Variants in LDLRAD4 observed in about 807,000 individuals in gnomAD.
The protein encoded by LDLRAD4 is low-density lipoprotein receptor class A domain-containing protein 4.
Under a neutral mutation model 17.0 loss-of-function variants are expected in LDLRAD4, and 5 were observed. The ratio of observed to expected loss-of-function variants is 0.29; its 90% CI spans 0.15 to 0.62. The LOEUF (loss-of-function observed/expected upper bound fraction) is 0.62. Among genes scored for constraint, LDLRAD4 ranks in the 20% least tolerant of loss-of-function variants. LDLRAD4 has a pLI of 0.84. For synonymous variants in LDLRAD4, 168 were observed against 171.8 expected (o/e 0.98, Z 0.17); for missense variants, 340 against 424.7 (o/e 0.80, Z 1.75).
chr18:13,588,200 C>T (rs2094959916), intron 3 of LDLRAD4, among the ~76,000 whole-genome samples: 1 of 152,234 alleles, frequency 6.6e-6, no homozygotes, highest in Non-Finnish European at 1.5e-5. Flanking sequence ...AAGCTGGTGA[C>T]ATGTATGCTC....
At chr18:13,328,046 C>G (rs551237500) in intron 1 of LDLRAD4, among the ~76,000 whole-genome samples, 1 of 152,168 alleles carries the variant, frequency 6.6e-6, no homozygotes, top group Non-Finnish European at 1.5e-5. Flanking sequence ...AGGCTCTCCT[C>G]CCTGCGGGCT....
intron 1 of LDLRAD4, among the ~76,000 whole-genome samples, chr18:13,357,564 A>G (rs1376374136): frequency 6.6e-6 from 1 of 152,226 alleles, no homozygotes; most frequent in African/African-American, 2.4e-5. Flanking sequence ...TAGCTGTATT[A>G]GGAAGCTTGA....
chr18:13,288,609 C>T (rs34882133), intron 1 of LDLRAD4, among the ~76,000 whole-genome samples: 8,293 of 89,948 alleles, frequency 0.092, 520 homozygotes, highest in South Asian at 0.14. Flanking sequence ...CATGGGGCCA[C>T]AGTAGCAGCC....
At chr18:13,336,924 C>CT (rs1247215296) in intron 1 of LDLRAD4, among the ~76,000 whole-genome samples, 3 of 152,100 alleles carry the variant, frequency 2.0e-5, no homozygotes, top group African/African-American at 7.2e-5. Context: ...AGTTTTATGG[C>CT]TTTCTTTCAC....
At chr18:13,317,278 G>A (rs931766165) in intron 1 of LDLRAD4, among the ~76,000 whole-genome samples, 1 of 152,204 alleles carries the variant, frequency 6.6e-6, no homozygotes, top group African/African-American at 2.4e-5. Flanking sequence ...CGTATCCTAA[G>A]CTCTCAGGGA....
chr18:13,396,494 T>G (rs1468483780), intron 2 of LDLRAD4, among the ~76,000 whole-genome samples: 2 of 152,250 alleles, frequency 1.3e-5, no homozygotes, highest in Non-Finnish European at 2.9e-5. Context: ...GTATTGTTTT[T>G]TATTTTTTAG....
intron 2 of LDLRAD4, among the ~76,000 whole-genome samples, chr18:13,400,059 G>A (rs2087035535): frequency 6.6e-6 from 1 of 152,156 alleles, no homozygotes; most frequent in Non-Finnish European, 1.5e-5. Flanking sequence ...ACATTTCTGG[G>A]CCTGGAGAGC....
intron 1 of LDLRAD4, among the ~76,000 whole-genome samples, chr18:13,320,666 A>G (rs2143254537): frequency 6.6e-6 from 1 of 152,360 alleles, no homozygotes; most frequent in South Asian, 2.1e-4. Flanking sequence ...AGGTCACTGC[A>G]GTCCCCAACA....
chr18:13,555,048 C>T (rs946853296), intron 3 of LDLRAD4, among the ~76,000 whole-genome samples: 4 of 152,150 alleles, frequency 2.6e-5, no homozygotes, highest in Non-Finnish European at 5.9e-5. Context: ...GCAGACAAAT[C>T]CCAGTCAAGG....
intron 1 of LDLRAD4, among the ~76,000 whole-genome samples, chr18:13,325,610 C>T (rs1002516355): frequency 9.9e-5 from 15 of 152,216 alleles, no homozygotes; most frequent in Admixed American, 2.0e-4. Context: ...TCTCCCTCTC[C>T]GCGTGGGCAA....
intron 3 of LDLRAD4, chr18:13,460,122 GTATAT>G (rs1272196895): frequency 6.5e-6 from 1 of 153,722 alleles, no homozygotes; most frequent in African/African-American, 2.4e-5. Context: ...CAAGGATACA[GTATAT>G]TATAAGAATA....
chr18:13,244,507 T>C (rs1474657495), intron 1 of LDLRAD4, among the ~76,000 whole-genome samples: 1 of 152,226 alleles, frequency 6.6e-6, no homozygotes, highest in Non-Finnish European at 1.5e-5. Flanking sequence ...AATGTTAGGG[T>C]AAAGGCCCCA....
chr18:13,263,830 T>C (rs1190640723), intron 1 of LDLRAD4, among the ~76,000 whole-genome samples: 2 of 152,168 alleles, frequency 1.3e-5, no homozygotes, highest in Non-Finnish European at 2.9e-5. Context: ...TGCATTGCTG[T>C]CCCTCTAAAG....
intron 3 of LDLRAD4, among the ~76,000 whole-genome samples, chr18:13,591,722 G>C (rs1275277384): frequency 6.6e-6 from 1 of 152,154 alleles, no homozygotes; most frequent in African/African-American, 2.4e-5. Context: ...TCACTGCTCT[G>C]AACAATATAT....
At chr18:13,321,720 G>A (rs1487301191) in intron 1 of LDLRAD4, among the ~76,000 whole-genome samples, 1 of 151,874 alleles carries the variant, frequency 6.6e-6, no homozygotes, top group East Asian at 1.9e-4. Flanking sequence ...ATTAGCCGTT[G>A]TGTGGTGATG....
intron 1 of LDLRAD4, among the ~76,000 whole-genome samples, chr18:13,296,664 A>G (rs1009470452): frequency 1.3e-5 from 2 of 151,446 alleles, no homozygotes; most frequent in East Asian, 1.9e-4. Flanking sequence ...GGCGTGAGCC[A>G]CAGAACCTGG....
rs577605625 is a variant in LDLRAD4, at chr18:13,622,986, C to T, written c.336+1715C>T. ...CCTCCCAGACTTGCCCTGGTGTTGGCTTCTCTCTCCCTAGTGTGGGTCAGG... is the reference window on the plus strand; with the variant it reads ...CCTCCCAGACTTGCCCTGGTGTTGGTTTCTCTCTCCCTAGTGTGGGTCAGG... On this transcript the variant is annotated intron_variant, in intron 4 of 5. Transcript: ENST00000359446. The surrounding 1 kb of genome is among the most constrained non-coding windows in gnomAD (Gnocchi z 5.3). Among the ~76,000 whole-genome samples the T allele has an allele frequency of 3.9e-5, 6 of 152,310 alleles. No homozygotes were observed. In the East Asian group the frequency reaches 1.2e-3, roughly 29 times the overall value.
chr18:13,559,861 A>C (rs1348050034), intron 3 of LDLRAD4, among the ~76,000 whole-genome samples: 2 of 65,090 alleles, frequency 3.1e-5, no homozygotes, highest in Non-Finnish European at 8.3e-5. Flanking sequence ...CAAAGACAGC[A>C]CAGCTGGTAC....
chr18:13,245,463 T>C (rs1598873862), intron 1 of LDLRAD4, among the ~76,000 whole-genome samples: 1 of 152,352 alleles, frequency 6.6e-6, no homozygotes, highest in East Asian at 1.9e-4. Context: ...ATATGGGGCA[T>C]TGGCATTATT....
Sources: gnomAD v4.1 joint callset for allele counts (sites outside exome capture counted in the v4.1 genomes callset) on GRCh38, gnomAD v4.1.1 for gene constraint, Gnocchi (gnomAD v3.1) non-coding constraint, MANE v1.5 for transcripts, NCBI Gene and HGNC (gene_info 2026-07-23, HGNC 2026-07-21) for gene names.